The following GALNT1 variants were observed in gnomAD, a reference collection of about 807,000 sequenced individuals.
GALNT1 encodes polypeptide N-acetylgalactosaminyltransferase 1, also known as GalNAc transferase 1.
A neutral mutation model predicts 65.7 loss-of-function variants in GALNT1; 17 were observed. The observed-to-expected ratio is 0.26, with a 90% CI of 0.18 to 0.39. The LOEUF (loss-of-function observed/expected upper bound fraction) is 0.39. GALNT1 is among the 10% of genes least tolerant of loss of function. The pLI, the probability that GALNT1 is intolerant of heterozygous loss-of-function variation, is 1.00. For synonymous variants in GALNT1, 210 were observed against 219.7 expected (o/e 0.96, Z 0.39); for missense variants, 460 against 672.8 (o/e 0.68, Z 3.50).
At chr18:35,665,857 C>T (rs963138111) in intron 3 of GALNT1, among the ~76,000 whole-genome samples, 9 of 152,042 alleles carry the variant, frequency 5.9e-5, no homozygotes, top group South Asian at 2.1e-4. Context: ...AGAGATAGGA[C>T]GCTACCATTT....
chr18:35,704,068 CT>C (rs1274997759), intron 11 of GALNT1, among the ~76,000 whole-genome samples: 1 of 152,170 alleles, frequency 6.6e-6, no homozygotes, highest in East Asian at 1.9e-4. Context: ...TCCTATTTAT[CT>C]TTCCTTTTGT....
intron 1 of GALNT1, among the ~76,000 whole-genome samples, chr18:35,589,997 A>G (rs180879282): frequency 9.2e-5 from 14 of 152,330 alleles, no homozygotes; most frequent in African/African-American, 3.4e-4. Flanking sequence ...CCAGTTTGCC[A>G]TCTAGGAACT....
chr18:35,638,731 A>C (rs1211036533), intron 1 of GALNT1, among the ~76,000 whole-genome samples: 1 of 152,198 alleles, frequency 6.6e-6, no homozygotes, highest in African/African-American at 2.4e-5. Flanking sequence ...TAGCTCCCAT[A>C]GACAGTGATT....
At position 35,689,228 on chromosome 18, in the gene GALNT1, A is replaced by C. The variant is rs2047916963; in HGVS notation, c.916A>C (p.Ile306Leu). Residue 306 changes from isoleucine (I) to leucine (L), a missense_variant, in exon 7 of 12, where the codon ATT (isoleucine) becomes CTT (leucine). Ile to Leu is a conservative substitution (Grantham distance 5). Transcript: ENST00000269195. ...AATAGACAGAGATTACTTTCAGGAA[A>C]TTGGAACATATGATGCTGGAATGGA... ...FSIDRDYFQE[I>L]GTYDAGMDIW... 8 of 1,613,096 alleles carry C rather than the reference A, an allele frequency of 5.0e-6. No homozygotes were observed. Among genetic ancestry groups the C allele is most frequent in the Non-Finnish European group, 6.8e-6 (8 of 1,179,520 alleles).
At chr18:35,586,926 G>A (rs374858130) in intron 1 of GALNT1, among the ~76,000 whole-genome samples, 6 of 152,144 alleles carry the variant, frequency 3.9e-5, no homozygotes, top group Non-Finnish European at 8.8e-5. Context: ...GGAGAAGATC[G>A]ACGTCTTTAG....
Position 35,663,703 on chromosome 18 carries a change from A to T in GALNT1, c.215A>T (p.Gln72Leu). The T allele has an allele frequency of 6.2e-7, 1 of 1,614,090 alleles. No individual in the cohort carries two copies. The highest frequency in any genetic ancestry group is 8.5e-7 in the Non-Finnish European group (1 of 1,179,954). ...GKPVVIPKED[Q>L]EKMKEMFKIN... ...CCAGTCGTCATTCCTAAAGAGGATC[A>T]AGAAAAGATGAAAGAGATGTTTAAA... The change falls in exon 3 of 12, where the codon CAA (glutamine) becomes CTA (leucine). Residue 72 changes from glutamine to leucine, a missense_variant. Physicochemically the swap from Gln to Leu is moderately radical, Grantham distance 113. Transcript: ENST00000269195.
intron 1 of GALNT1, among the ~76,000 whole-genome samples, chr18:35,625,060 A>G (rs572256466): frequency 5.3e-4 from 80 of 152,376 alleles, no homozygotes; most frequent in Non-Finnish European, 4.4e-5. Flanking sequence ...AGGAAAAGAT[A>G]AAGAATAACA....
Position 35,687,010 on chromosome 18 carries a change from C to A in GALNT1, c.690-6C>A. The A allele has an allele frequency of 6.2e-7, 1 of 1,603,612 alleles. No homozygotes were observed. Among genetic ancestry groups the A allele is most frequent in the Non-Finnish European group, 8.5e-7 (1 of 1,175,578 alleles). ...AAGATTTCTTAACTTGCTTTTATGA[C>A]ATCAGGAGAACAGTGGTGTGTCCCA... On this transcript the variant is annotated splice_region_variant and splice_polypyrimidine_tract_variant and intron_variant, in intron 5 of 11. Coordinates refer to ENST00000269195, the MANE Select transcript of GALNT1 (RefSeq NM_020474.4).
chr18:35,629,036 G>T (rs1430184705), intron 1 of GALNT1, among the ~76,000 whole-genome samples: 1 of 152,124 alleles, frequency 6.6e-6, no homozygotes, highest in African/African-American at 2.4e-5. Flanking sequence ...AAAAAGAAAT[G>T]AACAAAGCCT....
intron 4 of GALNT1, among the ~76,000 whole-genome samples, chr18:35,679,505 C>A (rs1371532009): frequency 6.6e-6 from 1 of 152,158 alleles, no homozygotes; most frequent in Non-Finnish European, 1.5e-5. Context: ...CCTCACCCAA[C>A]ACCCCAATCT....
chr18:35,675,325 C>G (rs1166016505), intron 3 of GALNT1, among the ~76,000 whole-genome samples: 1 of 152,232 alleles, frequency 6.6e-6, no homozygotes, highest in South Asian at 2.1e-4. Context: ...TCTATGTTTC[C>G]TCATTTGCTT....
At chr18:35,632,616 A>G (rs1204138955) in intron 1 of GALNT1, among the ~76,000 whole-genome samples, 2 of 152,200 alleles carry the variant, frequency 1.3e-5, no homozygotes, top group Admixed American at 6.5e-5. Flanking sequence ...AACCAAGGCA[A>G]TACCATTCAG....
At chr18:35,626,553 T>G (rs2046919614) in intron 1 of GALNT1, among the ~76,000 whole-genome samples, 1 of 152,206 alleles carries the variant, frequency 6.6e-6, no homozygotes, top group Non-Finnish European at 1.5e-5. Context: ...AATTATAGGT[T>G]GCAGATTGGT....
At chr18:35,589,710 G>A (rs1370057770) in intron 1 of GALNT1, among the ~76,000 whole-genome samples, 1 of 152,130 alleles carries the variant, frequency 6.6e-6, no homozygotes, top group Non-Finnish European at 1.5e-5. Context: ...TGTGCTTAGT[G>A]GGAGGAATAG....
At chr18:35,585,510 T>A (rs1385314850) in intron 1 of GALNT1, among the ~76,000 whole-genome samples, 1 of 152,266 alleles carries the variant, frequency 6.6e-6, no homozygotes, top group African/African-American at 2.4e-5. Flanking sequence ...AATGGTATCA[T>A]TTTGTAAAGC....
chr18:35,638,039 C>A (rs2047115001), intron 1 of GALNT1, among the ~76,000 whole-genome samples: 1 of 152,202 alleles, frequency 6.6e-6, no homozygotes, highest in Non-Finnish European at 1.5e-5. Context: ...AGATTCCTTT[C>A]AAAATATTAC....
At chr18:35,672,690 A>G (rs1029034378) in intron 3 of GALNT1, among the ~76,000 whole-genome samples, 1 of 151,994 alleles carries the variant, frequency 6.6e-6, no homozygotes, top group African/African-American at 2.4e-5. Flanking sequence ...AAATAGAAGT[A>G]ACAGTCCCTG....
At chr18:35,681,579 C>T (rs1313793930) in intron 4 of GALNT1, among the ~76,000 whole-genome samples, 3 of 151,764 alleles carry the variant, frequency 2.0e-5, no homozygotes, top group Non-Finnish European at 4.4e-5. Flanking sequence ...TCTGAAGAAA[C>T]GTTTTAAACT....
chr18:35,682,729 A>AC (rs1224680843), intron 4 of GALNT1, among the ~76,000 whole-genome samples: 1 of 151,772 alleles, frequency 6.6e-6, no homozygotes, highest in African/African-American at 2.4e-5. Context: ...GATTTCATAC[A>AC]CCCACATACT....
Sources: gnomAD v4.1 joint callset for allele counts (sites outside exome capture counted in the v4.1 genomes callset) on GRCh38, gnomAD v4.1.1 for gene constraint, MANE v1.5 for transcripts, NCBI Gene and HGNC (gene_info 2026-07-23, HGNC 2026-07-21) for gene names.